The following FSIP1 variants were observed in gnomAD, a reference collection of about 807,000 sequenced individuals.
FSIP1 encodes the protein fibrous sheath-interacting protein 1.
Under a neutral mutation model 60.9 loss-of-function variants are expected in FSIP1, and 65 were observed. That is an observed-to-expected ratio of 1.07 (90% CI 0.87 to 1.31). The LOEUF (loss-of-function observed/expected upper bound fraction) is 1.31. Ranked by LOEUF, FSIP1 falls within the 40% of genes most tolerant of loss-of-function variation. The pLI, the probability that FSIP1 is intolerant of heterozygous loss-of-function variation, is 0.00. For synonymous variants in FSIP1, 209 were observed against 221.2 expected (o/e 0.94, Z 0.49); for missense variants, 675 against 665.5 (o/e 1.01, Z -0.16).
chr15:39,703,615 A>C (rs1036816666), intron 10 of FSIP1, among the ~76,000 whole-genome samples: 2 of 152,216 alleles, frequency 1.3e-5, no homozygotes, highest in African/African-American at 4.8e-5. Flanking sequence ...CATTAGGAGA[A>C]ATATCTAATC....
intron 10 of FSIP1, among the ~76,000 whole-genome samples, chr15:39,695,649 T>C (rs1159812009): frequency 6.6e-6 from 1 of 152,198 alleles, no homozygotes; most frequent in African/African-American, 2.4e-5. Flanking sequence ...GATAGTTAAA[T>C]CTTAATACAC....
chr15:39,630,792 C>T (rs1891850371), intron 10 of FSIP1, among the ~76,000 whole-genome samples: 1 of 152,216 alleles, frequency 6.6e-6, no homozygotes, highest in African/African-American at 2.4e-5. Flanking sequence ...TAGTTAAACT[C>T]CTTTTTCGAG....
intron 10 of FSIP1, among the ~76,000 whole-genome samples, chr15:39,674,568 G>C (rs934512419): frequency 6.7e-6 from 1 of 148,880 alleles, no homozygotes; most frequent in African/African-American, 2.5e-5. Flanking sequence ...GAGTAGAAGA[G>C]GGCCCAGAAA....
At chr15:39,657,184 C>T (rs1893104650) in intron 10 of FSIP1, among the ~76,000 whole-genome samples, 1 of 152,232 alleles carries the variant, frequency 6.6e-6, no homozygotes, top group South Asian at 2.1e-4. Context: ...GCTCACTCTC[C>T]ATGTGAGAGA....
At chr15:39,607,574 A>G (rs1890873306) in intron 11 of FSIP1, among the ~76,000 whole-genome samples, 1 of 152,220 alleles carries the variant, frequency 6.6e-6, no homozygotes, top group Non-Finnish European at 1.5e-5. Flanking sequence ...AAGCACAAAC[A>G]TTGATAATGT....
intron 10 of FSIP1, among the ~76,000 whole-genome samples, chr15:39,696,341 G>A (rs1365657846): frequency 6.6e-6 from 1 of 151,972 alleles, no homozygotes. Flanking sequence ...ATACAAATGG[G>A]CAATGCACTG....
At chr15:39,782,036 T>C (rs551632681) in intron 1 of FSIP1, among the ~76,000 whole-genome samples, 38 of 152,352 alleles carry the variant, frequency 2.5e-4, no homozygotes, top group African/African-American at 9.1e-4. Context: ...ATCCATAAAA[T>C]ATATTAGAAT....
rs146188487 is a variant in FSIP1 at position 39,775,034 on chromosome 15, G to C, written c.126+1365C>G. Among the ~76,000 whole-genome samples, 15 of 152,186 alleles carry C rather than the reference G, an allele frequency of 9.9e-5. No homozygotes were observed. In the East Asian group the frequency reaches 2.9e-3, roughly 29 times the overall value. ...TTTTTGCAGTGGGGGAGGTGGAGGGGGAACACAGTTTCACTCTGTCACCCA... is the reference window on the plus strand; with the variant it reads ...TTTTTGCAGTGGGGGAGGTGGAGGGCGAACACAGTTTCACTCTGTCACCCA... On this transcript the variant is annotated intron_variant, in intron 2 of 11. Coordinates refer to ENST00000350221, the MANE Select transcript of FSIP1 (RefSeq NM_152597.5).
rs567769056 is a variant in FSIP1, at chr15:39,699,805, T to G, written c.1188+13639A>C. Among the ~76,000 whole-genome samples the G allele has an allele frequency of 7.2e-5, 11 of 152,318 alleles. No individual in the cohort carries two copies. The East Asian group carries it at 2.1e-3, about 29-fold the overall frequency. ...ACTCAAATTTCTGAAGCACTGTTGT[T>G]GCTAATAAGAACCACTGTCTGTTTT... On this transcript the variant is annotated intron_variant, in intron 10 of 11. Coordinates refer to ENST00000350221, the MANE Select transcript of FSIP1 (RefSeq NM_152597.5).
At chr15:39,718,372 G>T (rs778741865) in intron 9 of FSIP1, among the ~76,000 whole-genome samples, 1 of 151,722 alleles carries the variant, frequency 6.6e-6, no homozygotes, top group Non-Finnish European at 1.5e-5. Flanking sequence ...TAGACTGGAA[G>T]GAAATTTAAC....
intron 2 of FSIP1, among the ~76,000 whole-genome samples, chr15:39,774,680 C>T (rs1229086570): frequency 6.6e-6 from 1 of 152,122 alleles, no homozygotes; most frequent in Admixed American, 6.5e-5. Flanking sequence ...GGGTTCTGGA[C>T]GTACGTTAGG....
intron 5 of FSIP1, among the ~76,000 whole-genome samples, chr15:39,758,414 GA>G (rs1031577700): frequency 6.6e-6 from 1 of 151,676 alleles, no homozygotes; most frequent in African/African-American, 2.4e-5. Context: ...CTACCCACTA[GA>G]AAAATCAGTA....
chr15:39,664,090 T>A (rs1162337649), intron 10 of FSIP1, among the ~76,000 whole-genome samples: 2 of 152,170 alleles, frequency 1.3e-5, no homozygotes, highest in Non-Finnish European at 2.9e-5. Flanking sequence ...GGTCTTCACA[T>A]TTAGACAGCA....
Position 39,780,135 on chromosome 15 carries a change from T to C in FSIP1, c.-8+2493A>G, listed in dbSNP as rs181876652. On this transcript the variant is annotated intron_variant, in intron 1 of 11. Transcript: ENST00000350221. ...TGCAGGTCTCATTTTTTTAGGCATATGCAAACCTTCTATCTTTTATACCCA... is the reference window on the plus strand; with the variant it reads ...TGCAGGTCTCATTTTTTTAGGCATACGCAAACCTTCTATCTTTTATACCCA... Among the ~76,000 whole-genome samples, 520 of 152,358 alleles carry C rather than the reference T, an allele frequency of 3.4e-3. 3 individuals carry two copies. The highest frequency in any genetic ancestry group is 5.9e-3 in the Non-Finnish European group (401 of 68,040).
intron 10 of FSIP1, among the ~76,000 whole-genome samples, chr15:39,667,714 G>C (rs1893554577): frequency 6.6e-6 from 1 of 152,158 alleles, no homozygotes; most frequent in African/African-American, 2.4e-5. Context: ...ATCAGGGAAA[G>C]CTTTCCCAAA....
chr15:39,727,616 A>AT (rs1324322428), intron 8 of FSIP1, among the ~76,000 whole-genome samples: 1 of 152,226 alleles, frequency 6.6e-6, no homozygotes, highest in East Asian at 1.9e-4. Context: ...TTCTGGGAAC[A>AT]CAGAACAGAA....
intron 10 of FSIP1, among the ~76,000 whole-genome samples, chr15:39,665,130 G>A (rs574891219): frequency 1.3e-5 from 2 of 152,048 alleles, no homozygotes; most frequent in South Asian, 2.1e-4. Flanking sequence ...CTGCATCCAG[G>A]GAAAATTAAT....
intron 8 of FSIP1, among the ~76,000 whole-genome samples, chr15:39,732,478 G>C (rs374779368): frequency 6.6e-5 from 10 of 152,040 alleles, no homozygotes; most frequent in African/African-American, 2.4e-4. Flanking sequence ...AATTAGCCAG[G>C]GGTGGTGGCA....
chr15:39,692,602 G>C (rs1894647098), intron 10 of FSIP1, among the ~76,000 whole-genome samples: 1 of 152,152 alleles, frequency 6.6e-6, no homozygotes, highest in South Asian at 2.1e-4. Flanking sequence ...CTCAATTTAA[G>C]GACCAGTTAC....
Sources: allele counts gnomAD v4.1 joint callset (sites outside exome capture counted in the v4.1 genomes callset), GRCh38; gene constraint gnomAD v4.1.1; transcripts MANE v1.5; gene names NCBI Gene and HGNC (gene_info 2026-07-23, HGNC 2026-07-21).